Variants in ICE2 observed in about 807,000 individuals in gnomAD.
ICE2 encodes the protein interactor of little elongation complex ELL subunit 2.
Under a neutral mutation model 105.4 loss-of-function variants are expected in ICE2, and 87 were observed. The ratio of observed to expected loss-of-function variants is 0.83; its 90% CI spans 0.69 to 0.99. ICE2 has a LOEUF of 0.99. Among genes scored for constraint, ICE2 ranks in the 50% least tolerant of loss-of-function variants. The probability of loss-of-function intolerance (pLI) is 0.00; values close to 1 mark genes in which losing one functional copy is unlikely to be tolerated. For missense variants in ICE2, 1,323 were observed against 1,146.7 expected (o/e 1.15, Z -2.22); for synonymous variants, 399 against 392.0 (o/e 1.02, Z -0.21).
chr15:60,456,353 G>T (rs949618130), intron 6 of ICE2, among the ~76,000 whole-genome samples: 1 of 149,282 alleles, frequency 6.7e-6, no homozygotes, highest in Non-Finnish European at 1.5e-5. Context: ...GACCAGCCTG[G>T]CCAACATGGT....
intron 5 of ICE2, among the ~76,000 whole-genome samples, chr15:60,463,978 G>T (rs1006124647): frequency 6.6e-6 from 1 of 152,182 alleles, no homozygotes; most frequent in Non-Finnish European, 1.5e-5. Context: ...TCTTGACCTG[G>T]ACAAGAGTTA....
chr15:60,453,380 T>C (rs2141079488), intron 9 of ICE2: 1 of 1,327,324 alleles, frequency 7.5e-7, no homozygotes, highest in Non-Finnish European at 9.6e-7. Context: ...ATAATAACCT[T>C]GTCAAGTAGG....
intron 8 of ICE2, among the ~76,000 whole-genome samples, chr15:60,454,453 A>G (rs988816117): frequency 2.0e-5 from 3 of 152,286 alleles, no homozygotes; most frequent in Non-Finnish European, 2.9e-5. Flanking sequence ...CATTTCATGT[A>G]TTTCTTGGCC....
chr15:60,442,234 A>C (rs2063734178), intron 12 of ICE2, 182 bp downstream of exon 12: 1 of 499,908 alleles, frequency 2.0e-6, no homozygotes, highest in Admixed American at 4.3e-5. Context: ...TTGAGGTTAC[A>C]GTGAGCTATG....
intron 1 of ICE2, chr15:60,478,620 C>T (rs1194197852): frequency 6.2e-6 from 2 of 322,778 alleles, no homozygotes; most frequent in Non-Finnish European, 1.2e-5. Flanking sequence ...CAGTACTTCT[C>T]CTGTGACCCC....
chr15:60,443,052 A>G (rs2063751799), intron 11 of ICE2: 1 of 152,280 alleles, frequency 6.6e-6, no homozygotes, highest in Admixed American at 6.5e-5. Context: ...AAAGAGCACT[A>G]ATGCCTACAT....
chr15:60,459,994 A>G (rs1196570191), intron 5 of ICE2, among the ~76,000 whole-genome samples: 1 of 152,192 alleles, frequency 6.6e-6, no homozygotes, highest in Admixed American at 6.5e-5. Flanking sequence ...AGATTATCAG[A>G]TTTTATTTTT....
In ICE2 at chr15:60,459,889, T is replaced by A. The variant is rs543582029; in HGVS notation, c.529-3095A>T. The stretch of plus-strand genomic sequence containing the variant: ...AATGTCAATCCCCTCAAAAGGAGTT[T>A]AAAAAAAAACACAGAAAAAGTAAAA... On this transcript the variant is annotated intron_variant, in intron 5 of 15. Transcript: ENST00000261520. Among the ~76,000 whole-genome samples the A allele has an allele frequency of 4.5e-3, 684 of 150,966 alleles. 3 individuals are homozygous for A. Among genetic ancestry groups the A allele is most frequent in the African/African-American group, 0.011 (446 of 41,130 alleles).
At chr15:60,464,239 TA>T (rs2064358705) in intron 5 of ICE2, among the ~76,000 whole-genome samples, 1 of 152,216 alleles carries the variant, frequency 6.6e-6, no homozygotes, top group South Asian at 2.1e-4. Flanking sequence ...TGTACTTTGT[TA>T]ATAAAGTACA....
intron 5 of ICE2, among the ~76,000 whole-genome samples, chr15:60,464,233 C>G (rs890672746): frequency 6.6e-6 from 1 of 152,172 alleles, no homozygotes; most frequent in Non-Finnish European, 1.5e-5. Context: ...AAGTAATGTA[C>G]TTTGTTAATA....
rs2141061435 is a variant in ICE2, at chr15:60,449,013, G to A, written c.1954C>T (p.Gln652Ter). ...GAAATTGGCTTTAAGAGCTCATCCT[G>A]CATTTTTAAAATCTCTCCAACTGGA... ...FDPVGEILKM[Q>*]DELLKPISRK... The change falls in exon 10 of 16, where the codon CAG (glutamine) becomes TAG (stop). Residue 652 changes from glutamine (Q) to a stop codon, truncating the protein, a stop_gained. Coordinates refer to ENST00000261520, the MANE Select transcript of ICE2 (RefSeq NM_024611.6). LOFTEE classifies it high-confidence loss of function. The A allele has an allele frequency of 6.2e-7, 1 of 1,613,710 alleles. No homozygotes were observed. The highest frequency in any genetic ancestry group is 1.7e-5 in the Admixed American group (1 of 59,976).
intron 12 of ICE2, chr15:60,440,216 A>G: frequency 6.6e-6 from 1 of 152,222 alleles, no homozygotes; most frequent in South Asian, 2.1e-4. Flanking sequence ...TGGACTGAAG[A>G]GCCAGCAGTG....
intron 11 of ICE2, among the ~76,000 whole-genome samples, chr15:60,443,729 A>G (rs960322209): frequency 5.3e-5 from 8 of 152,214 alleles, no homozygotes; most frequent in African/African-American, 1.9e-4. Context: ...TTACTATGTA[A>G]TTTTGCAAAT....
rs746473884 is a variant in ICE2, at chr15:60,468,182, C to G, written c.287G>C (p.Arg96Pro). The G allele has an allele frequency of 4.3e-6, 7 of 1,613,926 alleles. No individual in the cohort carries two copies. The highest frequency in any genetic ancestry group is 5.9e-6 in the Non-Finnish European group (7 of 1,180,000). ...CTCTCTCTGTGAGAAACGAGAGAAA[C>G]GAGGATAAGGAACTCTTGGTTTTGG... ...LLPKPRVPYP[R>P]FSRFSQREQR... The change falls in exon 4 of 16, where the codon CGT (arginine) becomes CCT (proline). Residue 96 changes from arginine to proline, a missense_variant. Coordinates refer to ENST00000261520, the MANE Select transcript of ICE2 (RefSeq NM_024611.6).
rs556745047 is a variant in ICE2, at chr15:60,435,230, G to A, written c.2510+913C>T. 3.6e-4 allele frequency among the ~76,000 whole-genome samples: 55 copies of A among 151,818 alleles called. 1 individual carries two copies. The South Asian group carries it at 0.011, about 29-fold the overall frequency. ...CGGGAGGCAGAACTTGCAGTGAGCCGAGATCACGCCACTGCACTCCAGCCT... is the reference window on the plus strand; with the variant it reads ...CGGGAGGCAGAACTTGCAGTGAGCCAAGATCACGCCACTGCACTCCAGCCT... On this transcript the variant is annotated intron_variant, in intron 13 of 15. Transcript: ENST00000261520.
chr15:60,447,272 G>A (rs2063842922), intron 11 of ICE2, among the ~76,000 whole-genome samples: 1 of 152,082 alleles, frequency 6.6e-6, no homozygotes, highest in African/African-American at 2.4e-5. Flanking sequence ...GCCCCAAAGT[G>A]AAAAGAACTC....
At position 60,442,531 on chromosome 15, in the gene ICE2, A is replaced by T; in HGVS notation, c.2310T>A (p.Tyr770Ter). ...RKKIRRQFPV[Y>*]VLPKVEYQAC... ...CTTGATACTCTACTTTTGGTAGTAC[A>T]TAAACTGGAAATTGCTGCAATGCAA... Residue 770 changes from tyrosine to a stop codon, truncating the protein, a stop_gained, in exon 12 of 16, where the codon TAT (tyrosine) becomes TAA (stop). Transcript: ENST00000261520. LOFTEE classifies it high-confidence loss of function. The T allele has an allele frequency of 6.4e-7, 1 of 1,567,624 alleles. No individual in the cohort carries two copies. Among genetic ancestry groups the T allele is most frequent in the Non-Finnish European group, 8.6e-7 (1 of 1,166,688 alleles).
At chr15:60,471,918 G>T (rs1216548502) in intron 3 of ICE2, among the ~76,000 whole-genome samples, 2 of 151,816 alleles carry the variant, frequency 1.3e-5, no homozygotes, top group Non-Finnish European at 2.9e-5. Flanking sequence ...AAGTCTACTA[G>T]TATCTTCTGA....
chr15:60,478,034 G>C lies in ICE2; in HGVS notation c.-57C>G. On this transcript the variant is annotated 5_prime_UTR_variant, in exon 2 of 16. Transcript: ENST00000261520. ...AGTTCACAGCTGCCTGGCTGCGAAG[G>C]CTCCAAGAGGCAGGATCCCTCCAGA... is the stretch of plus-strand genomic sequence containing the variant. 1 of 1,499,966 alleles carries C rather than the reference G, an allele frequency of 6.7e-7. No homozygotes were observed. The highest frequency in any genetic ancestry group is 9.3e-7 in the Non-Finnish European group (1 of 1,076,642). 92.9% of individuals were successfully genotyped at this position (1,499,966 alleles called of 1,614,324 possible).
Sources: gnomAD v4.1 joint callset for allele counts (sites outside exome capture counted in the v4.1 genomes callset) on GRCh38, gnomAD v4.1.1 for gene constraint, MANE v1.5 for transcripts, NCBI Gene and HGNC (gene_info 2026-07-23, HGNC 2026-07-21) for gene names.